The following PTGFR variants were observed in gnomAD, a reference collection of about 807,000 sequenced individuals.
PTGFR encodes the protein prostaglandin F2-alpha receptor.
Under a neutral mutation model 26.2 loss-of-function variants are expected in PTGFR, and 15 were observed. The ratio of observed to expected loss-of-function variants is 0.57; its 90% CI spans 0.38 to 0.88. The LOEUF is 0.88. PTGFR is among the 40% of genes least tolerant of loss of function. The probability of loss-of-function intolerance (pLI) is 0.00; values close to 1 mark genes in which losing one functional copy is unlikely to be tolerated. For synonymous variants in PTGFR, 165 were observed against 151.1 expected (o/e 1.09, Z -0.68); for missense variants, 369 against 427.2 (o/e 0.86, Z 1.20).
chr1:78,491,543 C>G (rs1020617088), intron 1 of PTGFR, among the ~76,000 whole-genome samples: 1 of 152,238 alleles, frequency 6.6e-6, no homozygotes, highest in Non-Finnish European at 1.5e-5. Flanking sequence ...GTTCCTCACC[C>G]GGGCACGTCC....
chr1:78,535,437 A>G (rs749348959), intron 2 of PTGFR, among the ~76,000 whole-genome samples: 5 of 152,162 alleles, frequency 3.3e-5, no homozygotes, highest in African/African-American at 9.7e-5. Context: ...AAATTAAGAT[A>G]TACATTTCTT....
chr1:78,499,207 CTCTT>C lies in PTGFR; in HGVS notation c.798+5671_798+5674del, dbSNP rs71786108. ...TCTTGACATTCACGTGACTCTCTCC[CTCTT>C]TCTTCTCTGTTCTCTCAAATATCCC... On this transcript the variant is annotated intron_variant, in intron 2 of 2. Transcript: ENST00000370757. Among the ~76,000 whole-genome samples the C allele has an allele frequency of 3.7e-3, 560 of 152,302 alleles. 2 individuals carry two copies. Among genetic ancestry groups the C allele is most frequent in the African/African-American group, 0.012 (512 of 41,562 alleles).
At chr1:78,523,660 A>G (rs1286204013) in intron 2 of PTGFR, among the ~76,000 whole-genome samples, 2 of 152,142 alleles carry the variant, frequency 1.3e-5, no homozygotes, top group African/African-American at 4.8e-5. Context: ...TAACACTGCA[A>G]CAGAATTTTA....
Position 78,538,494 on chromosome 1 carries a change from T to G in PTGFR, c.*1807T>G, listed in dbSNP as rs1650711958. 1 of 150,738 alleles carries G rather than the reference T, an allele frequency of 6.6e-6. No individual in the cohort carries two copies. The highest frequency in any genetic ancestry group is 6.6e-5 in the Admixed American group (1 of 15,088). 9.3% of individuals were successfully genotyped at this position (150,738 alleles called of 1,614,324 possible). A position where few individuals can be genotyped will look rare whatever the true frequency, so the allele number is the denominator to read the frequency against. Reference sequence around the variant, plus strand: ...TATGTTTGGGTAACCAAATTGGTCTTAAAAATGATGTTAACCCAAGAAGTA... The same window carrying G: ...TATGTTTGGGTAACCAAATTGGTCTGAAAAATGATGTTAACCCAAGAAGTA... On this transcript the variant is annotated 3_prime_UTR_variant, in exon 3 of 3. Transcript: ENST00000370757.
rs1197468734 is a variant in PTGFR at position 78,493,474 on chromosome 1, A to G, written c.731A>G (p.His244Arg). ...CAGCACAGACAAGGCAGATCTCATC[A>G]TTTGGAAATGGTAATCCAGCTCCTG... ...SQQHRQGRSHHLEMVIQLLAI... is the reference protein window; with the variant it reads ...SQQHRQGRSHRLEMVIQLLAI... Residue 244 changes from histidine to arginine, a missense_variant, in exon 2 of 3, where the codon CAT becomes CGT. Coordinates refer to ENST00000370757, the MANE Select transcript of PTGFR (RefSeq NM_000959.4). The G allele has an allele frequency of 3.1e-6, 5 of 1,594,106 alleles. No homozygotes were observed. Among genetic ancestry groups the G allele is most frequent in the Non-Finnish European group, 4.3e-6 (5 of 1,170,500 alleles).
rs1413327550 is a variant in PTGFR, at chr1:78,536,531, A to G, written c.924A>G (p.Arg308=). The G allele has an allele frequency of 6.2e-7, 1 of 1,613,428 alleles. No individual in the cohort carries two copies. The highest frequency in any genetic ancestry group is 1.1e-5 in the South Asian group (1 of 91,074). The change falls in exon 3 of 3, where the codon CGA becomes CGG. Residue 308 remains arginine, a synonymous_variant. Transcript: ENST00000370757. Reference sequence around the variant, plus strand: ...ATCCTTGGGTATATATTCTTCTACGAAAGGCTGTCCTTAAGAATCTCTATA... The same window carrying G: ...ATCCTTGGGTATATATTCTTCTACGGAAGGCTGTCCTTAAGAATCTCTATA... ...ILDPWVYILL[R]KAVLKNLYKL...
intron 2 of PTGFR, among the ~76,000 whole-genome samples, chr1:78,518,559 G>A (rs1179074373): frequency 7.6e-6 from 1 of 132,292 alleles, no homozygotes; most frequent in Non-Finnish European, 1.6e-5. Flanking sequence ...TGTCATTACA[G>A]TATAAAAGAC....
rs1465539986 is a variant in PTGFR at position 78,538,597 on chromosome 1, A to G, written c.*1910A>G. 1 of 151,994 alleles carries G rather than the reference A, an allele frequency of 6.6e-6. No individual in the cohort carries two copies. The highest frequency in any genetic ancestry group is 6.6e-5 in the Admixed American group (1 of 15,224). 9.4% of individuals were successfully genotyped at this position (151,994 alleles called of 1,614,324 possible). ...TTTCTTCTGAGTAAAACAAAATTATAGAAAACAAATGCAACAATGTGCACA... is the reference window on the plus strand; with the variant it reads ...TTTCTTCTGAGTAAAACAAAATTATGGAAAACAAATGCAACAATGTGCACA... On this transcript the variant is annotated 3_prime_UTR_variant, in exon 3 of 3. Transcript: ENST00000370757.
chr1:78,502,026 TAAG>T (rs1557649459), intron 2 of PTGFR, among the ~76,000 whole-genome samples: 2 of 152,156 alleles, frequency 1.3e-5, no homozygotes, highest in Admixed American at 6.5e-5. Flanking sequence ...TCTCTTCCAT[TAAG>T]AAGGATTGGT....
At chr1:78,495,245 G>A (rs1053434204) in intron 2 of PTGFR, among the ~76,000 whole-genome samples, 1 of 152,182 alleles carries the variant, frequency 6.6e-6, no homozygotes, top group East Asian at 1.9e-4. Flanking sequence ...GTAAGAGTCT[G>A]ATCTGTGATT....
At chr1:78,522,131 G>A (rs1403921974) in intron 2 of PTGFR, among the ~76,000 whole-genome samples, 2 of 152,032 alleles carry the variant, frequency 1.3e-5, no homozygotes, top group East Asian at 3.9e-4. Context: ...CTTGTTTCCT[G>A]ACTGGCCCTC....
At chr1:78,532,943 G>A (rs1173417135) in intron 2 of PTGFR, among the ~76,000 whole-genome samples, 1 of 152,030 alleles carries the variant, frequency 6.6e-6, no homozygotes, top group African/African-American at 2.4e-5. Flanking sequence ...CAATCCACAA[G>A]GAAATATATA....
intron 2 of PTGFR, among the ~76,000 whole-genome samples, chr1:78,520,085 A>G (rs1487323702): frequency 3.3e-5 from 5 of 152,004 alleles, no homozygotes; most frequent in Non-Finnish European, 1.5e-5. Flanking sequence ...AATAAGGTCA[A>G]TTCTCCTCTA....
chr1:78,523,107 C>G (rs1321528546), intron 2 of PTGFR, among the ~76,000 whole-genome samples: 2 of 152,010 alleles, frequency 1.3e-5, no homozygotes, highest in African/African-American at 4.8e-5. Context: ...ACTATAATCT[C>G]TTTTTACAAA....
intron 2 of PTGFR, among the ~76,000 whole-genome samples, chr1:78,527,459 A>G (rs1650399820): frequency 6.6e-6 from 1 of 152,122 alleles, no homozygotes; most frequent in Non-Finnish European, 1.5e-5. Context: ...TTAGGGAAGT[A>G]ATGATTAATG....
At chr1:78,513,563 A>T (rs1439137338) in intron 2 of PTGFR, among the ~76,000 whole-genome samples, 3 of 152,212 alleles carry the variant, frequency 2.0e-5, no homozygotes, top group African/African-American at 2.4e-5. Context: ...TAATGCTGGA[A>T]CTTATATTTA....
At chr1:78,522,696 C>T (rs902883809) in intron 2 of PTGFR, among the ~76,000 whole-genome samples, 2 of 151,998 alleles carry the variant, frequency 1.3e-5, no homozygotes, top group African/African-American at 4.8e-5. Flanking sequence ...GAGGAAAGGG[C>T]TTTACTGGCC....
chr1:78,524,590 C>G (rs3766345), intron 2 of PTGFR, among the ~76,000 whole-genome samples: 45,131 of 151,916 alleles, frequency 0.3, 7,018 homozygotes, highest in East Asian at 0.47. Flanking sequence ...ACAACCTGAT[C>G]AGAATTTATC....
At chr1:78,515,234 G>A (rs1390430527) in intron 2 of PTGFR, among the ~76,000 whole-genome samples, 2 of 152,138 alleles carry the variant, frequency 1.3e-5, no homozygotes, top group Non-Finnish European at 2.9e-5. Context: ...TTTGTGGTGG[G>A]TAGAGGAAGA....
Sources: gnomAD v4.1 joint callset for allele counts (sites outside exome capture counted in the v4.1 genomes callset) on GRCh38, gnomAD v4.1.1 for gene constraint, MANE v1.5 for transcripts, NCBI Gene and HGNC (gene_info 2026-07-23, HGNC 2026-07-21) for gene names.